The following LNPEP variants were observed in gnomAD, a reference collection of about 807,000 sequenced individuals.
The protein encoded by LNPEP is leucyl-cystinyl aminopeptidase.
In LNPEP, 64 loss-of-function variants were observed where a neutral mutation model predicts 120.6. The observed-to-expected ratio is 0.53, with a 90% CI of 0.43 to 0.65. LNPEP has a LOEUF of 0.65. LNPEP is among the 30% of genes least tolerant of loss of function. LNPEP has a pLI of 0.00. For missense variants in LNPEP, 1,057 were observed against 1,200.0 expected, an observed-to-expected ratio of 0.88 and a Z score of 1.76; for synonymous variants, 435 against 425.4, an observed-to-expected ratio of 1.02 and a Z score of -0.28.
intron 8 of LNPEP, among the ~76,000 whole-genome samples, chr5:97,001,037 G>A (rs1407693797): frequency 6.6e-6 from 1 of 152,218 alleles, no homozygotes; most frequent in Non-Finnish European, 1.5e-5. Flanking sequence ...CTAAGCCATA[G>A]TAAGGACCTT....
chr5:96,965,580 A>G (rs924532330), intron 1 of LNPEP, among the ~76,000 whole-genome samples: 8 of 152,168 alleles, frequency 5.3e-5, no homozygotes, highest in African/African-American at 1.7e-4. Context: ...CCATAATTAC[A>G]AGTTTAACTA....
At chr5:96,943,725 T>G (rs1278821878) in intron 1 of LNPEP, among the ~76,000 whole-genome samples, 1 of 152,192 alleles carries the variant, frequency 6.6e-6, no homozygotes, top group African/African-American at 2.4e-5. Context: ...ATTTGCCAAA[T>G]AAGGAAAATT....
chr5:96,990,200 G>T (rs1790359657), intron 4 of LNPEP, among the ~76,000 whole-genome samples: 1 of 152,126 alleles, frequency 6.6e-6, no homozygotes, highest in Non-Finnish European at 1.5e-5. Flanking sequence ...TGTATGTCAG[G>T]TGCACGTGCG....
chr5:96,943,881 C>T (rs553462690), intron 1 of LNPEP, among the ~76,000 whole-genome samples: 2 of 152,284 alleles, frequency 1.3e-5, no homozygotes, highest in East Asian at 3.9e-4. Flanking sequence ...GTCACTGAAC[C>T]AGAACTTGAA....
intron 14 of LNPEP, among the ~76,000 whole-genome samples, chr5:97,023,776 T>A (rs1289658096): frequency 6.6e-6 from 1 of 152,146 alleles, no homozygotes; most frequent in East Asian, 1.9e-4. Context: ...ATATGGTAAT[T>A]CTAATTTTAA....
intron 11 of LNPEP, among the ~76,000 whole-genome samples, chr5:97,011,938 A>G (rs1440019636): frequency 1.3e-5 from 2 of 152,144 alleles, no homozygotes; most frequent in Non-Finnish European, 2.9e-5. Context: ...TGAATAATTC[A>G]TGTTTTTGAA....
intron 1 of LNPEP, among the ~76,000 whole-genome samples, chr5:96,960,880 GT>G (rs33918743): frequency 0.44 from 66,109 of 149,996 alleles, 14,563 homozygotes; most frequent in Non-Finnish European, 0.49. Flanking sequence ...CAAAAAATAT[GT>G]TTTTTTTTTC....
At chr5:97,010,229 C>T in intron 11 of LNPEP, 1 of 939,530 alleles carries the variant, frequency 1.1e-6, no homozygotes, top group Non-Finnish European at 1.3e-6. Flanking sequence ...ACATTTTACT[C>T]AGACCTAAGA....
intron 9 of LNPEP, among the ~76,000 whole-genome samples, chr5:97,004,473 C>T (rs1485042629): frequency 6.6e-6 from 1 of 150,924 alleles, no homozygotes; most frequent in Non-Finnish European, 1.5e-5. Context: ...GACTGTACCA[C>T]TGCACTCCAG....
chr5:96,971,345 T>TTTTG (rs1789857680), intron 1 of LNPEP, among the ~76,000 whole-genome samples: 1 of 142,824 alleles, frequency 7.0e-6, no homozygotes, highest in African/African-American at 2.6e-5. Context: ...ACATTATTAT[T>TTTTG]TGTGTGTGTG....
intron 14 of LNPEP, among the ~76,000 whole-genome samples, chr5:97,023,071 C>G (rs1791251563): frequency 6.6e-6 from 1 of 151,958 alleles, no homozygotes; most frequent in Non-Finnish European, 1.5e-5. Flanking sequence ...TCCTCACTCC[C>G]TCTCCCCACC....
At position 97,026,725 on chromosome 5, in the gene LNPEP, T is replaced by C. The variant is rs1385599549; in HGVS notation, c.2832T>C (p.Phe944=). The change falls in exon 16 of 18, where the codon TTT becomes TTC. Residue 944 remains phenylalanine, a synonymous_variant. Coordinates refer to ENST00000231368, the MANE Select transcript of LNPEP (RefSeq NM_005575.3). ...CTGGACACTTACTGGCATGGGATTTTGTCAAAGAGAACTGGAATAAGCTTG... is the reference window on the plus strand; with the variant it reads ...CTGGACACTTACTGGCATGGGATTTCGTCAAAGAGAACTGGAATAAGCTTG... ...HFPGHLLAWD[F]VKENWNKLVQ... 1 of 1,613,572 alleles carries C rather than the reference T, an allele frequency of 6.2e-7. No homozygotes were observed. Among genetic ancestry groups the C allele is most frequent in the Non-Finnish European group, 8.5e-7 (1 of 1,179,618 alleles).
intron 1 of LNPEP, among the ~76,000 whole-genome samples, chr5:96,971,923 T>C (rs1789873752): frequency 6.6e-6 from 1 of 152,120 alleles, no homozygotes; most frequent in Admixed American, 6.6e-5. Context: ...CTCTAAAGAC[T>C]CACTAAATAC....
intron 1 of LNPEP, among the ~76,000 whole-genome samples, chr5:96,959,332 A>G (rs1398264515): frequency 1.3e-5 from 2 of 152,188 alleles, no homozygotes; most frequent in Non-Finnish European, 2.9e-5. Flanking sequence ...GGAACAAATA[A>G]TACGTCCCAG....
intron 1 of LNPEP, among the ~76,000 whole-genome samples, chr5:96,944,658 G>A (rs555708076): frequency 1.7e-4 from 21 of 125,522 alleles, no homozygotes; most frequent in African/African-American, 4.2e-4. Context: ...AAACTCCGCC[G>A]CCCAGGTTCA....
At chr5:96,981,145 C>T (rs1582001343) in intron 2 of LNPEP, among the ~76,000 whole-genome samples, 1 of 152,060 alleles carries the variant, frequency 6.6e-6, no homozygotes, top group Non-Finnish European at 1.5e-5. Context: ...ACTTTATCTA[C>T]CAGTATAAAT....
intron 15 of LNPEP, among the ~76,000 whole-genome samples, chr5:97,026,184 C>T (rs994341633): frequency 1.3e-5 from 2 of 152,002 alleles, no homozygotes; most frequent in African/African-American, 2.4e-5. Flanking sequence ...ATGTTTGCTA[C>T]GAACATTAAT....
chr5:97,013,075 C>G (rs1451870325), intron 11 of LNPEP, among the ~76,000 whole-genome samples: 1 of 152,110 alleles, frequency 6.6e-6, no homozygotes, highest in African/African-American at 2.4e-5. Flanking sequence ...TTCTCCCTCC[C>G]TCTTTCCTCT....
chr5:96,977,536 G>A (rs1790026230), intron 1 of LNPEP, among the ~76,000 whole-genome samples: 1 of 152,100 alleles, frequency 6.6e-6, no homozygotes, highest in African/African-American at 2.4e-5. Flanking sequence ...AGCACCCGAG[G>A]ATTTGTTAAA....
Sources: allele counts gnomAD v4.1 joint callset (sites outside exome capture counted in the v4.1 genomes callset), GRCh38; gene constraint gnomAD v4.1.1; transcripts MANE v1.5; gene names NCBI Gene and HGNC (gene_info 2026-07-23, HGNC 2026-07-21).